The following CSMD1 variants were observed in gnomAD, a reference collection of about 807,000 sequenced individuals.
CSMD1 encodes CUB and Sushi multiple domains 1.
Under a neutral mutation model 417.5 loss-of-function variants are expected in CSMD1, and 213 were observed. That is an observed-to-expected ratio of 0.51 (90% CI 0.46 to 0.57). The LOEUF is 0.57. CSMD1 is among the 20% of genes least tolerant of loss of function. The pLI, the probability that CSMD1 is intolerant of heterozygous loss-of-function variation, is 0.00. For missense variants in CSMD1, 6,923 were observed against 4,529.7 expected (o/e 1.53, Z -15.17); for synonymous variants, 2,862 against 1,736.8 (o/e 1.65, Z -16.11).
intron 1 of CSMD1, among the ~76,000 whole-genome samples, chr8:4,783,874 G>C (rs1047014473): frequency 6.6e-6 from 1 of 152,160 alleles, no homozygotes; most frequent in Non-Finnish European, 1.5e-5. Flanking sequence ...AATACTTTAT[G>C]TCGGCTTTTG....
chr8:4,947,704 T>C (rs903891590), intron 1 of CSMD1, among the ~76,000 whole-genome samples: 1 of 152,142 alleles, frequency 6.6e-6, no homozygotes, highest in Non-Finnish European at 1.5e-5. Context: ...ATCATAAATA[T>C]ATTTTGTCTA....
At chr8:3,430,112 CATAT>C (rs1350428220) in intron 12 of CSMD1, among the ~76,000 whole-genome samples, 1 of 152,076 alleles carries the variant, frequency 6.6e-6, no homozygotes, top group Non-Finnish European at 1.5e-5. Flanking sequence ...TGCACATATA[CATAT>C]ATACACACAT....
intron 1 of CSMD1, among the ~76,000 whole-genome samples, chr8:4,728,130 G>A (rs1250988963): frequency 2.7e-5 from 4 of 146,054 alleles, no homozygotes; most frequent in African/African-American, 7.5e-5. Context: ...TTAGACATAA[G>A]ATCATACCTA....
chr8:3,413,304 T>A (rs1812931386), intron 12 of CSMD1, among the ~76,000 whole-genome samples: 1 of 152,200 alleles, frequency 6.6e-6, no homozygotes, highest in Admixed American at 6.5e-5. Context: ...GGAGCTCTAC[T>A]GTGCAGAGGT....
rs116187087 is a variant in CSMD1, at chr8:4,427,230, G to A, written c.303-7165C>T. 6.1e-3 allele frequency among the ~76,000 whole-genome samples: 921 copies of A among 152,224 alleles called. 4 individuals carry two copies. Among genetic ancestry groups the A allele is most frequent in the African/African-American group, 0.021 (887 of 41,550 alleles). ...ATTCCTGAGCCCAAGAGAGGCACAC[G>A]CCGTGCCCTGAATGGTCCTCAGTCC... On this transcript the variant is annotated intron_variant, in intron 2 of 69. Coordinates refer to ENST00000635120, the MANE Select transcript of CSMD1 (RefSeq NM_033225.6).
intron 23 of CSMD1, among the ~76,000 whole-genome samples, chr8:3,314,246 T>G (rs1425155292): frequency 2.0e-5 from 3 of 151,710 alleles, no homozygotes; most frequent in Non-Finnish European, 4.4e-5. Context: ...ACTTAAAGTA[T>G]AATAAAAAAA....
At chr8:4,005,472 G>C (rs1027406984) in intron 4 of CSMD1, among the ~76,000 whole-genome samples, 1 of 152,120 alleles carries the variant, frequency 6.6e-6, no homozygotes, top group Non-Finnish European at 1.5e-5. Context: ...TGGCCGACAT[G>C]AACACTGAAT....
At chr8:4,624,134 T>A (rs1801955381) in intron 2 of CSMD1, among the ~76,000 whole-genome samples, 1 of 152,152 alleles carries the variant, frequency 6.6e-6, no homozygotes, top group Non-Finnish European at 1.5e-5. Flanking sequence ...AATTCTAATT[T>A]AGGAAACCAA....
At chr8:4,420,306 TATATA>T (rs1295281979) in intron 2 of CSMD1, among the ~76,000 whole-genome samples, 2 of 152,148 alleles carry the variant, frequency 1.3e-5, no homozygotes, top group Non-Finnish European at 2.9e-5. Context: ...AATACTTACT[TATATA>T]ATATGCCATT....
intron 2 of CSMD1, among the ~76,000 whole-genome samples, chr8:4,453,964 GGCGCCCGCCACC>G (rs1203502219): frequency 6.6e-6 from 1 of 151,530 alleles, no homozygotes; most frequent in African/African-American, 2.4e-5. Flanking sequence ...TGGGACTACA[GGCGCCCGCCACC>G]GCGCCCGGCT....
At chr8:3,529,283 T>G (rs1197254410) in intron 10 of CSMD1, among the ~76,000 whole-genome samples, 1 of 152,228 alleles carries the variant, frequency 6.6e-6, no homozygotes. Context: ...TTTTTTTGCA[T>G]TAATTTGAAG....
chr8:3,543,919 G>T (rs1027987207), intron 10 of CSMD1, among the ~76,000 whole-genome samples: 2 of 152,204 alleles, frequency 1.3e-5, no homozygotes. Context: ...GAGAACTCCA[G>T]TGTTTACAGG....
chr8:3,528,765 T>A (rs561589801), intron 10 of CSMD1, among the ~76,000 whole-genome samples: 2 of 152,344 alleles, frequency 1.3e-5, no homozygotes, highest in African/African-American at 4.8e-5. Context: ...ATTAATTTCC[T>A]GCAAAACTGA....
chr8:3,410,524 G>T (rs966184241), intron 12 of CSMD1, among the ~76,000 whole-genome samples: 86 of 152,134 alleles, frequency 5.7e-4, no homozygotes, highest in Non-Finnish European at 8.8e-5. Flanking sequence ...AGGGGGAGTT[G>T]CCCTGCACAA....
At chr8:4,442,816 C>T (rs188293734) in intron 2 of CSMD1, among the ~76,000 whole-genome samples, 173 of 152,252 alleles carry the variant, frequency 1.1e-3, no homozygotes, top group Middle Eastern at 6.8e-3. Flanking sequence ...ATTTCTAAAA[C>T]TGAAATATGT....
intron 23 of CSMD1, among the ~76,000 whole-genome samples, chr8:3,331,413 G>C (rs1438999120): frequency 6.6e-6 from 1 of 152,102 alleles, no homozygotes; most frequent in African/African-American, 2.4e-5. Context: ...ATTTTTATCT[G>C]ATGCGGTGAA....
intron 3 of CSMD1, among the ~76,000 whole-genome samples, chr8:4,393,276 T>C (rs1249371563): frequency 6.6e-6 from 1 of 152,164 alleles, no homozygotes; most frequent in African/African-American, 2.4e-5. Context: ...CCACCTGGCC[T>C]ACAAAGCAGT....
chr8:4,379,137 T>G (rs555757213), intron 3 of CSMD1, among the ~76,000 whole-genome samples: 1 of 152,190 alleles, frequency 6.6e-6, no homozygotes, highest in African/African-American at 2.4e-5. Context: ...AACAGATATA[T>G]CAGCCCCTGT....
intron 23 of CSMD1, among the ~76,000 whole-genome samples, chr8:3,312,993 A>T (rs1175730777): frequency 6.6e-6 from 1 of 152,180 alleles, no homozygotes; most frequent in African/African-American, 2.4e-5. Flanking sequence ...AAATGTCAAC[A>T]CTGTTTTTGA....
Sources: allele counts gnomAD v4.1 joint callset (sites outside exome capture counted in the v4.1 genomes callset), GRCh38; gene constraint gnomAD v4.1.1; transcripts MANE v1.5; gene names NCBI Gene and HGNC (gene_info 2026-07-23, HGNC 2026-07-21).